The following CCDC171 variants were observed in gnomAD, a reference collection of about 807,000 sequenced individuals.
CCDC171 encodes the protein coiled-coil domain containing 171.
In CCDC171, 177 loss-of-function variants were observed where a neutral mutation model predicts 168.2. The observed-to-expected ratio is 1.05, with a 90% CI of 0.93 to 1.19. The LOEUF (loss-of-function observed/expected upper bound fraction) is 1.19. Among genes scored for constraint, CCDC171 ranks in the 50% most tolerant of loss-of-function variants. The probability of loss-of-function intolerance (pLI) is 0.00; values close to 1 mark genes in which losing one functional copy is unlikely to be tolerated. For synonymous variants in CCDC171, 687 were observed against 540.8 expected, an observed-to-expected ratio of 1.27 and a Z score of -3.75; for missense variants, 1,991 against 1,539.0, an observed-to-expected ratio of 1.29 and a Z score of -4.91.
chr9:15,930,998 A>C (rs1343037348), intron 25 of CCDC171, among the ~76,000 whole-genome samples: 1 of 151,600 alleles, frequency 6.6e-6, no homozygotes, highest in Non-Finnish European at 1.5e-5. Context: ...CTATTTTCTA[A>C]TATACAACAT....
chr9:16,074,978 C>T, the CCDC171 span, among the ~76,000 whole-genome samples: 22 of 152,296 alleles, frequency 1.4e-4, no homozygotes, highest in African/African-American at 5.1e-4. Context: ...GTTTTCTCTT[C>T]CTCCCAGTTT....
chr9:16,015,627 A>G (rs954060974), intron 3 of CCDC171, among the ~76,000 whole-genome samples: 4 of 152,186 alleles, frequency 2.6e-5, no homozygotes, highest in Admixed American at 6.5e-5. Flanking sequence ...TTGTGATAAT[A>G]TATACATAAC....
At chr9:15,724,172 C>G (rs1050231770) in intron 13 of CCDC171, among the ~76,000 whole-genome samples, 2 of 152,146 alleles carry the variant, frequency 1.3e-5, no homozygotes, top group Admixed American at 6.5e-5. Context: ...GGCTAAGGCC[C>G]AGGACTATAG....
chr9:15,616,386 T>C (rs1254232435), intron 6 of CCDC171, among the ~76,000 whole-genome samples: 1 of 152,122 alleles, frequency 6.6e-6, no homozygotes, highest in Non-Finnish European at 1.5e-5. Context: ...GCCTGGCCTA[T>C]GATTTTCTTT....
intron 16 of CCDC171, among the ~76,000 whole-genome samples, chr9:15,736,847 T>A (rs956206335): frequency 6.6e-6 from 1 of 152,078 alleles, no homozygotes; most frequent in Admixed American, 6.6e-5. Context: ...GGCTAAGTTT[T>A]TGTATTTTTT....
At chr9:15,660,282 A>G (rs2048216759) in intron 8 of CCDC171, among the ~76,000 whole-genome samples, 1 of 152,104 alleles carries the variant, frequency 6.6e-6, no homozygotes, top group South Asian at 2.1e-4. Flanking sequence ...ATAAGACTGA[A>G]GTTTTCTTTT....
intron 9 of CCDC171, among the ~76,000 whole-genome samples, chr9:15,668,365 G>A (rs1439749640): frequency 6.6e-6 from 1 of 151,906 alleles, no homozygotes; most frequent in Non-Finnish European, 1.5e-5. Flanking sequence ...CTTAAGTTTT[G>A]TTTTGCTGTT....
intron 1 of CCDC171, among the ~76,000 whole-genome samples, chr9:15,559,207 C>T (rs934149436): frequency 3.3e-5 from 5 of 152,070 alleles, no homozygotes; most frequent in African/African-American, 1.2e-4. Context: ...AATGTATATT[C>T]TGTTGATTTG....
At chr9:15,677,188 G>T (rs2049643570) in intron 9 of CCDC171, among the ~76,000 whole-genome samples, 1 of 151,920 alleles carries the variant, frequency 6.6e-6, no homozygotes, top group African/African-American at 2.4e-5. Context: ...TTTATATGTT[G>T]GGACTCCTGG....
intron 11 of CCDC171, among the ~76,000 whole-genome samples, chr9:15,706,710 G>T (rs1244869770): frequency 2.0e-5 from 3 of 152,128 alleles, no homozygotes; most frequent in African/African-American, 7.2e-5. Flanking sequence ...CTTCCTTGTG[G>T]CTCAGTCTTG....
intron 23 of CCDC171, among the ~76,000 whole-genome samples, chr9:15,869,997 A>C (rs564426715): frequency 3.3e-5 from 5 of 151,848 alleles, no homozygotes; most frequent in Non-Finnish European, 7.4e-5. Context: ...GCCAGATAGT[A>C]AATATCTTAG....
chr9:15,729,939 G>T, intron 16 of CCDC171, 141 bp downstream of exon 16: 1 of 583,740 alleles, frequency 1.7e-6, no homozygotes, highest in East Asian at 2.7e-5. Context: ...ACATATATTT[G>T]TTTAGATACA....
intron 25 of CCDC171, among the ~76,000 whole-genome samples, chr9:15,968,107 G>A (rs991586746): frequency 6.6e-6 from 1 of 152,154 alleles, no homozygotes; most frequent in South Asian, 2.1e-4. Context: ...TTGTGAATAT[G>A]TATTTAGCTG....
chr9:15,739,393 G>A (rs2054701982), intron 16 of CCDC171, among the ~76,000 whole-genome samples: 1 of 152,152 alleles, frequency 6.6e-6, no homozygotes, highest in South Asian at 2.1e-4. Flanking sequence ...TGGGGAAGAC[G>A]TGGGGATGTT....
intron 11 of CCDC171, among the ~76,000 whole-genome samples, chr9:15,715,945 A>C (rs1214808675): frequency 6.6e-6 from 1 of 152,222 alleles, no homozygotes. Flanking sequence ...TAATTCAAGA[A>C]AAGATTTGCC....
intron 7 of CCDC171, 51 bp downstream of exon 7, chr9:15,623,464 T>TCGC: frequency 2.6e-6 from 2 of 765,036 alleles, no homozygotes; most frequent in Non-Finnish European, 3.9e-6. Context: ...CTTTCACATA[T>TCGC]GCGCGCGCGC....
At chr9:16,011,684 T>G (rs1832873267) in intron 3 of CCDC171, among the ~76,000 whole-genome samples, 1 of 152,180 alleles carries the variant, frequency 6.6e-6, no homozygotes, top group African/African-American at 2.4e-5. Flanking sequence ...CAGCATTTTC[T>G]GAGTTCCGAT....
intron 3 of CCDC171, among the ~76,000 whole-genome samples, chr9:16,002,276 A>G (rs1392520008): frequency 6.6e-6 from 1 of 151,658 alleles, no homozygotes. Context: ...GGAGATGACA[A>G]GTCAATGTGT....
chr9:15,716,486 AG>A (rs1264164432), intron 11 of CCDC171, among the ~76,000 whole-genome samples: 1 of 151,938 alleles, frequency 6.6e-6, no homozygotes, highest in East Asian at 1.9e-4. Flanking sequence ...GCATTTTGTC[AG>A]GTTAAGGGAC....
Sources: gnomAD v4.1 joint callset for allele counts (sites outside exome capture counted in the v4.1 genomes callset) on GRCh38, gnomAD v4.1.1 for gene constraint, MANE v1.5 for transcripts, NCBI Gene and HGNC (gene_info 2026-07-23, HGNC 2026-07-21) for gene names.